Variants in RANBP2 observed in about 807,000 individuals in gnomAD.
RANBP2 encodes the protein E3 SUMO-protein ligase RanBP2.
RANBP2 carries 57 observed loss-of-function variants against 303.6 expected under a neutral mutation model. That is an observed-to-expected ratio of 0.19 (90% CI 0.15 to 0.23). The LOEUF is 0.23. RANBP2 is among the 10% of genes least tolerant of loss of function. The probability of loss-of-function intolerance (pLI) is 1.00; values close to 1 mark genes in which losing one functional copy is unlikely to be tolerated. For synonymous variants in RANBP2, 1,167 were observed against 1,301.5 expected, an observed-to-expected ratio of 0.90 and a Z score of 2.23; for missense variants, 3,138 against 3,780.8, an observed-to-expected ratio of 0.83 and a Z score of 4.46.
the RANBP2 span, among the ~76,000 whole-genome samples, chr2:109,261,917 G>A: frequency 6.6e-6 from 1 of 151,932 alleles, no homozygotes; most frequent in Non-Finnish European, 1.5e-5. Flanking sequence ...TGCATTCAGT[G>A]TGGTGTGTAT....
At chr2:109,347,763 C>T in the RANBP2 span, 21 of 1,613,850 alleles carry the variant, frequency 1.3e-5, no homozygotes, top group Admixed American at 1.7e-5. Context: ...GGGACATCAT[C>T]GTCCTGCGGC....
At chr2:108,918,713 G>T in the RANBP2 span, among the ~76,000 whole-genome samples, 14 of 152,334 alleles carry the variant, frequency 9.2e-5, no homozygotes, top group African/African-American at 3.4e-4. Context: ...CATGGCTGGA[G>T]GGAGCTACGC....
chr2:109,568,671 C>CCTT, the RANBP2 span, among the ~76,000 whole-genome samples: 1 of 2,148 alleles, frequency 4.7e-4, no homozygotes, highest in Middle Eastern at 0.5. Context: ...AACTGAATTG[C>CCTT]CTCAATTCAC....
the RANBP2 span, chr2:109,490,640 C>T: frequency 6.7e-6 from 10 of 1,492,906 alleles, no homozygotes; most frequent in East Asian, 2.5e-5. Context: ...AGCTTCTAGC[C>T]GGAGCATCCA....
the RANBP2 span, among the ~76,000 whole-genome samples, chr2:108,989,756 A>G: frequency 6.6e-6 from 1 of 152,120 alleles, no homozygotes; most frequent in African/African-American, 2.4e-5. Context: ...TGAAACATCA[A>G]CATTTTGAAA....
downstream of RANBP2, among the ~76,000 whole-genome samples, chr2:108,787,260 A>G (rs192689850): frequency 5.3e-5 from 8 of 152,308 alleles, no homozygotes; most frequent in African/African-American, 1.9e-4. Flanking sequence ...ATAATTTCGG[A>G]CTTACTCAAA....
the RANBP2 span, among the ~76,000 whole-genome samples, chr2:108,881,441 A>G: frequency 6.6e-6 from 1 of 152,240 alleles, no homozygotes; most frequent in Non-Finnish European, 1.5e-5. Context: ...TATCAGCAAT[A>G]AGGCTGCTGT....
chr2:109,172,669 C>A, the RANBP2 span, among the ~76,000 whole-genome samples: 4 of 152,198 alleles, frequency 2.6e-5, no homozygotes, highest in South Asian at 6.2e-4. Flanking sequence ...GGATCTGATA[C>A]TGCTGGGCTC....
At chr2:109,703,425 TG>T in the RANBP2 span, among the ~76,000 whole-genome samples, 1 of 152,238 alleles carries the variant, frequency 6.6e-6, no homozygotes, top group African/African-American at 2.4e-5. Flanking sequence ...TTTTATTTTC[TG>T]TATTTTATTT....
chr2:109,436,635 C>T, the RANBP2 span, among the ~76,000 whole-genome samples: 1 of 152,246 alleles, frequency 6.6e-6, no homozygotes, highest in Non-Finnish European at 1.5e-5. Flanking sequence ...TAAAAGATTT[C>T]GTTCAGCTCA....
the RANBP2 span, among the ~76,000 whole-genome samples, chr2:109,015,278 C>T: frequency 2.0e-5 from 3 of 151,910 alleles, no homozygotes; most frequent in South Asian, 2.1e-4. Flanking sequence ...TCCTTCTCTG[C>T]GACCCAAGAC....
chr2:109,021,396 G>A, the RANBP2 span, among the ~76,000 whole-genome samples: 5 of 152,120 alleles, frequency 3.3e-5, no homozygotes, highest in South Asian at 6.2e-4. Context: ...GGTGGTGGGC[G>A]CCTGTAGTCC....
At chr2:109,062,707 C>A in the RANBP2 span, among the ~76,000 whole-genome samples, 1 of 152,190 alleles carries the variant, frequency 6.6e-6, no homozygotes, top group African/African-American at 2.4e-5. Context: ...ATGGACAGTG[C>A]CCTCTCTCGT....
At chr2:109,137,725 A>G in the RANBP2 span, among the ~76,000 whole-genome samples, 1 of 152,230 alleles carries the variant, frequency 6.6e-6, no homozygotes, top group Non-Finnish European at 1.5e-5. Flanking sequence ...GTTGCAGGTT[A>G]ACTAATCTCA....
At chr2:108,977,565 T>A in the RANBP2 span, among the ~76,000 whole-genome samples, 2 of 152,154 alleles carry the variant, frequency 1.3e-5, no homozygotes, top group African/African-American at 4.8e-5. Context: ...CCACCGAGCC[T>A]GGCCAGGAGC....
chr2:108,830,489 G>T, the RANBP2 span, among the ~76,000 whole-genome samples: 1 of 152,134 alleles, frequency 6.6e-6, no homozygotes, highest in Non-Finnish European at 1.5e-5. Context: ...CTAAATTTTA[G>T]TGTACTCACT....
At chr2:108,806,071 A>G in the RANBP2 span, among the ~76,000 whole-genome samples, 3 of 151,918 alleles carry the variant, frequency 2.0e-5, no homozygotes, top group East Asian at 5.8e-4. Context: ...TTTAATCTCT[A>G]CTTGTTGTGA....
chr2:109,329,511 A>G, the RANBP2 span, among the ~76,000 whole-genome samples: 1 of 152,184 alleles, frequency 6.6e-6, no homozygotes, highest in East Asian at 1.9e-4. Context: ...CTGGAGAACA[A>G]CTGAACACAT....
At chr2:108,840,032 G>A in the RANBP2 span, among the ~76,000 whole-genome samples, 1 of 151,742 alleles carries the variant, frequency 6.6e-6, no homozygotes, top group Non-Finnish European at 1.5e-5. Flanking sequence ...AAGTTCCCCT[G>A]TATTCCTATT....
Sources: allele counts gnomAD v4.1 joint callset (sites outside exome capture counted in the v4.1 genomes callset), GRCh38; gene constraint gnomAD v4.1.1; transcripts MANE v1.5; gene names NCBI Gene and HGNC (gene_info 2026-07-23, HGNC 2026-07-21).